The following RHOXF1 variants were observed in gnomAD, a reference collection of about 807,000 sequenced individuals.
RHOXF1 encodes the protein Rhox homeobox family member 1, also known as PEPP subfamily gene 1.
Under a neutral mutation model 9.7 loss-of-function variants are expected in RHOXF1, and 1 was observed. That is an observed-to-expected ratio of 0.10 (90% CI 0.04 to 0.49). The LOEUF (loss-of-function observed/expected upper bound fraction) is 0.49. Ranked by LOEUF, RHOXF1 falls within the 20% of genes least tolerant of loss-of-function variation. The probability of loss-of-function intolerance (pLI) is 0.95; values close to 1 mark genes in which losing one functional copy is unlikely to be tolerated. For missense variants in RHOXF1, 179 were observed against 168.0 expected (o/e 1.07, Z -0.36); for synonymous variants, 72 against 70.2 (o/e 1.03, Z -0.13).
chrX:120,115,387 T>G, intron 1 of RHOXF1, 78 bp downstream of exon 1: 4 of 891,313 alleles, frequency 4.5e-6, no homozygotes, highest in South Asian at 4.4e-5. Flanking sequence ...TTCCTCATGA[T>G]TGGGTGGGGC....
chrX:120,113,710 T>C (rs1345447745), intron 1 of RHOXF1, among the ~76,000 whole-genome samples: 4 of 108,939 alleles, frequency 3.7e-5, no homozygotes, highest in African/African-American at 6.6e-5. Context: ...CTTCCCACCT[T>C]GGCCTCCCAA....
chrX:120,112,520 C>CATATATGTGTATTATATATTAT (rs1946638552), intron 2 of RHOXF1, among the ~76,000 whole-genome samples: 14 of 97,065 alleles, frequency 1.4e-4, no homozygotes, highest in African/African-American at 3.1e-4. Flanking sequence ...ATATATAATA[C>CATATATGTGTATTATATATTAT]ACATATGTAT....
At chrX:120,112,597 A>G (rs1555999995) in intron 2 of RHOXF1, among the ~76,000 whole-genome samples, 1 of 100,679 alleles carries the variant, frequency 9.9e-6, no homozygotes, top group Non-Finnish European at 2.0e-5. Context: ...TTTTGTATAC[A>G]GATTAGGAGA....
At chrX:120,109,983 G>A (rs1170856160) in intron 2 of RHOXF1, among the ~76,000 whole-genome samples, 1 of 111,841 alleles carries the variant, frequency 8.9e-6, no homozygotes, top group Non-Finnish European at 1.9e-5. Flanking sequence ...TCAATGCCTG[G>A]CAACAGGGTA....
rs1385048220 is a variant in RHOXF1 at position 120,109,231 on chromosome X, A to T, written c.516T>A (p.Arg172=). Residue 172 remains arginine, a synonymous_variant, in exon 3 of 3, where the codon CGT becomes CGA. Coordinates refer to ENST00000217999, the MANE Select transcript of RHOXF1 (RefSeq NM_139282.3). ...QRELMLANEL[R]ADPDDCVYIV... ...TGTAGACACAGTCGTCTGGGTCAGC[A>T]CGTAGTTCATTGGCGAGCATTAATT... 1 of 1,197,266 alleles carries T rather than the reference A, an allele frequency of 8.4e-7. No homozygotes were observed. Among genetic ancestry groups the T allele is most frequent in the Non-Finnish European group, 1.1e-6 (1 of 885,861 alleles).
chrX:120,112,392 A>ATATAATACACATATG (rs2057268790), intron 2 of RHOXF1, among the ~76,000 whole-genome samples: 2 of 47,455 alleles, frequency 4.2e-5, no homozygotes, highest in Non-Finnish European at 1.4e-4. Flanking sequence ...ATATGTATAT[A>ATATAATACACATATG]TGTATGATAT....
intron 2 of RHOXF1, among the ~76,000 whole-genome samples, chrX:120,110,698 CAGTT>C (rs1200114059): frequency 8.9e-6 from 1 of 112,493 alleles, no homozygotes; most frequent in African/African-American, 3.2e-5. Flanking sequence ...AAAAGCCTGT[CAGTT>C]AGATGTCACT....
upstream of RHOXF1, among the ~76,000 whole-genome samples, chrX:120,117,288 G>A (rs1343093322): frequency 9.1e-6 from 1 of 110,410 alleles, no homozygotes; most frequent in African/African-American, 3.3e-5. Flanking sequence ...GAAATAAAAT[G>A]AAAATGAAAG....
Position 120,115,630 on chromosome X carries a change from C to T in RHOXF1, c.233G>A (p.Arg78Gln), listed in dbSNP as rs782174738. Reference sequence around the variant, plus strand: ...CTCCGGCGGGGGCTGCGGCTGCTGCCGAGGCTCCTGGTTTCCACCGCCGCC... The same window carrying T: ...CTCCGGCGGGGGCTGCGGCTGCTGCTGAGGCTCCTGGTTTCCACCGCCGCC... The part of the protein sequence containing the change: ...PEGGGGNQEP[R>Q]QQPQPPPEEP... The change falls in exon 1 of 3, where the codon CGG (arginine) becomes CAG (glutamine). Residue 78 changes from arginine (R) to glutamine (Q), a missense_variant. By Grantham distance (43) the Arg-to-Gln change is conservative. Coordinates refer to ENST00000217999, the MANE Select transcript of RHOXF1 (RefSeq NM_139282.3). 7 of 1,174,074 alleles carry T rather than the reference C, an allele frequency of 6.0e-6. No individual in the cohort carries two copies. The Admixed American group carries it at 7.1e-5, about 12-fold the overall frequency.
At chrX:120,113,834 G>A (rs981546171) in intron 1 of RHOXF1, among the ~76,000 whole-genome samples, 2 of 108,201 alleles carry the variant, frequency 1.8e-5, no homozygotes, top group Non-Finnish European at 3.8e-5. Context: ...GCTCAGGCCT[G>A]TAATCCCAGC....
chrX:120,118,945 C>G, upstream of RHOXF1, among the ~76,000 whole-genome samples: 1 of 111,961 alleles, frequency 8.9e-6, no homozygotes, highest in Non-Finnish European at 1.9e-5. Context: ...ACACACTCTC[C>G]TGGCACATTT....
upstream of RHOXF1, chrX:120,120,376 G>A (rs2057311681): frequency 8.9e-6 from 1 of 111,865 alleles, no homozygotes; most frequent in Non-Finnish European, 1.9e-5. Context: ...GATGCAATGT[G>A]CCACTGTCGC....
chrX:120,109,881 A>G (rs1293142596), intron 2 of RHOXF1, among the ~76,000 whole-genome samples: 1 of 111,834 alleles, frequency 8.9e-6, no homozygotes, highest in African/African-American at 3.3e-5. Context: ...CACTGTGCCC[A>G]GCCCCAATTT....
At chrX:120,109,941 T>C (rs188922113) in intron 2 of RHOXF1, among the ~76,000 whole-genome samples, 13 of 111,837 alleles carry the variant, frequency 1.2e-4, no homozygotes, top group African/African-American at 3.6e-4. Flanking sequence ...TTCTGGCTTA[T>C]GAGTTGTTCC....
intron 2 of RHOXF1, among the ~76,000 whole-genome samples, chrX:120,110,184 G>A (rs782426097): frequency 1.4e-4 from 16 of 111,751 alleles, no homozygotes; most frequent in African/African-American, 4.9e-4. Context: ...AGGAAAGAGC[G>A]CACTGGAATT....
At chrX:120,113,395 G>A (rs2057279372) in intron 1 of RHOXF1, among the ~76,000 whole-genome samples, 1 of 110,333 alleles carries the variant, frequency 9.1e-6, no homozygotes, top group Non-Finnish European at 1.9e-5. Context: ...CCAAAGTGCT[G>A]GGATTTGGGG....
At chrX:120,120,081 G>T (rs189668951), upstream of RHOXF1, among the ~76,000 whole-genome samples, 2 of 112,072 alleles carry the variant, frequency 1.8e-5, no homozygotes, top group African/African-American at 6.5e-5. Flanking sequence ...TATTTCCAGT[G>T]CTCAGGATAT....
upstream of RHOXF1, among the ~76,000 whole-genome samples, chrX:120,118,939 A>C (rs1556000988): frequency 9.0e-6 from 1 of 111,177 alleles, no homozygotes; most frequent in Non-Finnish European, 1.9e-5. Flanking sequence ...TGAAAGACAC[A>C]CTCTCCTGGC....
upstream of RHOXF1, chrX:120,120,333 T>C (rs1476987953): frequency 8.9e-6 from 1 of 112,027 alleles, no homozygotes; most frequent in Non-Finnish European, 1.9e-5. Context: ...AGAGTACTTG[T>C]AACCAGAAGC....
Sources: gnomAD v4.1 joint callset for allele counts (sites outside exome capture counted in the v4.1 genomes callset) on GRCh38, gnomAD v4.1.1 for gene constraint, MANE v1.5 for transcripts, NCBI Gene and HGNC (gene_info 2026-07-23, HGNC 2026-07-21) for gene names.